The following POLN variants were observed in gnomAD, a reference collection of about 807,000 sequenced individuals.
The protein encoded by POLN is DNA polymerase N.
Under a neutral mutation model 113.5 loss-of-function variants are expected in POLN, and 108 were observed. The observed-to-expected ratio is 0.95, with a 90% CI of 0.81 to 1.12. POLN has a LOEUF of 1.12. Among genes scored for constraint, POLN ranks in the 50% most tolerant of loss-of-function variants. The pLI, the probability that POLN is intolerant of heterozygous loss-of-function variation, is 0.00. For missense variants in POLN, 1,097 were observed against 1,077.1 expected (o/e 1.02, Z -0.26); for synonymous variants, 386 against 391.5 (o/e 0.99, Z 0.17).
At chr4:2,143,908 T>C (rs566840322) in intron 16 of POLN, among the ~76,000 whole-genome samples, 15 of 152,244 alleles carry the variant, frequency 9.9e-5, no homozygotes, top group African/African-American at 3.4e-4. Flanking sequence ...GGCAACCTTA[T>C]CTTAATAACC....
chr4:2,208,975 C>T (rs923956179), intron 4 of POLN, among the ~76,000 whole-genome samples: 3 of 150,308 alleles, frequency 2.0e-5, no homozygotes, highest in Admixed American at 1.3e-4. Flanking sequence ...GTGACAAGAG[C>T]GAAACTCTGT....
At chr4:2,133,130 G>T (rs535727939) in intron 16 of POLN, among the ~76,000 whole-genome samples, 1 of 135,334 alleles carries the variant, frequency 7.4e-6, no homozygotes, top group South Asian at 2.5e-4. Context: ...AAATTTACAT[G>T]GCTATTATAA....
chr4:2,130,884 A>C (rs35617074), intron 17 of POLN, among the ~76,000 whole-genome samples: 1 of 152,204 alleles, frequency 6.6e-6, no homozygotes, highest in African/African-American at 2.4e-5. Flanking sequence ...GTAACTTTTT[A>C]AAAAATGTTA....
chr4:2,174,871 G>C, intron 9 of POLN, 120 bp from the exon 10 acceptor site: 1 of 668,662 alleles, frequency 1.5e-6, no homozygotes, highest in East Asian at 3.0e-5. Context: ...TGCCCAGGTT[G>C]GAGTGCAGTG....
intron 3 of POLN, among the ~76,000 whole-genome samples, chr4:2,226,769 T>C (rs996119487): frequency 3.9e-5 from 6 of 152,252 alleles, no homozygotes; most frequent in South Asian, 2.1e-4. Context: ...TTTATTTCCA[T>C]TAATTTCTGA....
At chr4:2,229,039 C>A in intron 3 of POLN, 60 bp downstream of exon 3, 1 of 1,488,894 alleles carries the variant, frequency 6.7e-7, no homozygotes, top group South Asian at 1.3e-5. Context: ...AATTCTTAGT[C>A]TTTAGAACAA....
At position 2,129,217 on chromosome 4, in the gene POLN, A is replaced by G. The variant is rs780965184; in HGVS notation, c.1829T>C (p.Met610Thr). 2.5e-6 allele frequency: 4 copies of G among 1,601,534 alleles called. No individual in the cohort carries two copies. The highest frequency in any genetic ancestry group is 3.4e-6 in the Non-Finnish European group (4 of 1,168,806). ...DKILTISPRA[M>T]FVSSKGHTFL... ...GGTGTGGCCTTTGGATGAAACAAAC[A>G]TGGCCCTCGGGGAGATCGTGAGAAT... is the stretch of plus-strand genomic sequence containing the variant. The change falls in exon 18 of 26, where the codon ATG becomes ACG. Residue 610 changes from methionine to threonine, a missense_variant. Met to Thr is a moderately conservative substitution (Grantham distance 81, BLOSUM62 -1). Transcript: ENST00000511885.
At chr4:2,208,543 A>G in intron 4 of POLN, 56 bp from the exon 5 acceptor site, 2 of 1,352,506 alleles carry the variant, frequency 1.5e-6, no homozygotes, top group Non-Finnish European at 2.0e-6. Flanking sequence ...ACAGATCTAT[A>G]AACTAAACTA....
intron 23 of POLN, chr4:2,079,259 T>C: frequency 3.2e-6 from 1 of 316,634 alleles, no homozygotes; most frequent in Non-Finnish European, 4.6e-6. Flanking sequence ...ACTTGCAGTA[T>C]CTTAGAGGCA....
At chr4:2,157,541 T>C (rs1012155301) in intron 15 of POLN, among the ~76,000 whole-genome samples, 7 of 151,944 alleles carry the variant, frequency 4.6e-5, no homozygotes, top group African/African-American at 9.7e-5. Context: ...CTGGCCAACA[T>C]AGTGAAACCC....
chr4:2,156,959 A>T lies in POLN; in HGVS notation c.1666-106T>A, dbSNP rs1349257499. The T allele has an allele frequency of 2.2e-5, 20 of 901,564 alleles. No individual in the cohort carries two copies. The Admixed American group carries it at 4.3e-4, about 19-fold the overall frequency. 55.8% of individuals were successfully genotyped at this position (901,564 alleles called of 1,614,324 possible). ...CATGCAACACTCGCTGCTCCTCCAGAGGCCAACAAGCTGCTGGCCCTAAAC... is the reference window on the plus strand; with the variant it reads ...CATGCAACACTCGCTGCTCCTCCAGTGGCCAACAAGCTGCTGGCCCTAAAC... On this transcript the variant is annotated intron_variant, in intron 15 of 25. Transcript: ENST00000511885.
At chr4:2,166,976 A>G (rs1350520095) in intron 13 of POLN, among the ~76,000 whole-genome samples, 1 of 152,064 alleles carries the variant, frequency 6.6e-6, no homozygotes, top group East Asian at 1.9e-4. Flanking sequence ...TACCGGTTCT[A>G]TTTCTCTAGA....
In POLN at chr4:2,198,410, C is replaced by T. The variant is rs1733631093; in HGVS notation, c.908+114G>A. ...CTTGGATCCATTTTATTTTCATGTG[C>T]CCATACAAAACTTCTAAAAGTTTAA... On this transcript the variant is annotated intron_variant, in intron 6 of 25. Transcript: ENST00000511885. 4.9e-6 allele frequency: 4 copies of T among 816,356 alleles called. No homozygotes were observed. In the South Asian group the frequency reaches 9.3e-5, roughly 19 times the overall value. The allele number at this position is 816,356 out of a possible 1,614,324, so 50.6% of individuals were successfully genotyped here.
At chr4:2,195,895 G>A (rs1253012193) in intron 6 of POLN, among the ~76,000 whole-genome samples, 2 of 152,058 alleles carry the variant, frequency 1.3e-5, no homozygotes, top group Admixed American at 6.5e-5. Context: ...CTTACTAGCC[G>A]GAATTAAATA....
chr4:2,090,050 G>A, intron 20 of POLN: 4 of 895,598 alleles, frequency 4.5e-6, no homozygotes, highest in Non-Finnish European at 7.1e-6. Context: ...GAAGAATTAT[G>A]AGATAATCCA....
At chr4:2,122,602 T>C (rs1168471579) in intron 19 of POLN, among the ~76,000 whole-genome samples, 1 of 152,172 alleles carries the variant, frequency 6.6e-6, no homozygotes, top group Non-Finnish European at 1.5e-5. Flanking sequence ...TTGGTGAGAA[T>C]GCAGAGAAAC....
chr4:2,107,164 A>G (rs1731085468), intron 19 of POLN, among the ~76,000 whole-genome samples: 1 of 151,884 alleles, frequency 6.6e-6, no homozygotes, highest in Non-Finnish European at 1.5e-5. Context: ...TAGGGAGGTA[A>G]TTTCTGTATA....
intron 4 of POLN, among the ~76,000 whole-genome samples, chr4:2,210,561 C>T (rs73201269): frequency 5.4e-4 from 80 of 147,796 alleles, no homozygotes; most frequent in African/African-American, 1.8e-3. Flanking sequence ...TCAGCCTGTG[C>T]GACAGAGTGA....
chr4:2,082,861 G>A (rs1730454693), intron 21 of POLN: 1 of 152,236 alleles, frequency 6.6e-6, no homozygotes, highest in Admixed American at 6.5e-5. Context: ...TCTTCCTTCT[G>A]AGGGTGTTTT....
Sources: gnomAD v4.1 joint callset for allele counts (sites outside exome capture counted in the v4.1 genomes callset) on GRCh38, gnomAD v4.1.1 for gene constraint, MANE v1.5 for transcripts, NCBI Gene and HGNC (gene_info 2026-07-23, HGNC 2026-07-21) for gene names.